The following RBFOX1 variants were observed in gnomAD, a reference collection of about 807,000 sequenced individuals.
RBFOX1 encodes RNA binding fox-1 homolog 1.
RBFOX1 carries 8 observed loss-of-function variants against 57.7 expected under a neutral mutation model. The ratio of observed to expected loss-of-function variants is 0.14; its 90% CI spans 0.08 to 0.25. The LOEUF is 0.25. Among genes scored for constraint, RBFOX1 ranks in the 10% least tolerant of loss-of-function variants. The pLI is 1.00. For missense variants in RBFOX1, 611 were observed against 548.5 expected, an observed-to-expected ratio of 1.11 and a Z score of -1.14; for synonymous variants, 326 against 222.4, an observed-to-expected ratio of 1.47 and a Z score of -4.15.
intron 3 of RBFOX1, among the ~76,000 whole-genome samples, chr16:6,900,653 G>A (rs2068241176): frequency 6.6e-6 from 1 of 152,128 alleles, no homozygotes; most frequent in Admixed American, 6.5e-5. Flanking sequence ...TACCCTTCTT[G>A]ACCTCGTCCC....
chr16:6,932,886 A>ACC (rs1490395285), intron 3 of RBFOX1, among the ~76,000 whole-genome samples: 8 of 152,210 alleles, frequency 5.3e-5, no homozygotes, highest in African/African-American at 1.9e-4. Flanking sequence ...TATCCATTAA[A>ACC]CATTAACTCC....
At chr16:7,359,591 T>G (rs1473765836) in intron 4 of RBFOX1, among the ~76,000 whole-genome samples, 1 of 152,210 alleles carries the variant, frequency 6.6e-6, no homozygotes, top group African/African-American at 2.4e-5. Flanking sequence ...TTGGGGCTCT[T>G]GAGTTAAACC....
At chr16:6,647,304 C>G (rs147143105) in intron 2 of RBFOX1, among the ~76,000 whole-genome samples, 1 of 152,094 alleles carries the variant, frequency 6.6e-6, no homozygotes, top group Non-Finnish European at 1.5e-5. Flanking sequence ...AGTGCAGTGA[C>G]GTGATCTCAG....
At chr16:7,539,075 G>T (rs936425416) in intron 5 of RBFOX1, among the ~76,000 whole-genome samples, 2 of 152,142 alleles carry the variant, frequency 1.3e-5, no homozygotes, top group Non-Finnish European at 2.9e-5. Flanking sequence ...GTCTGCCTCA[G>T]TCTGTTGATT....
intron 4 of RBFOX1, among the ~76,000 whole-genome samples, chr16:7,155,169 C>T (rs1317508939): frequency 6.6e-6 from 1 of 152,040 alleles, no homozygotes; most frequent in Non-Finnish European, 1.5e-5. Flanking sequence ...TGAGTACTAC[C>T]ACAAGATTTA....
In RBFOX1 at chr16:7,304,566, G is replaced by T. The variant is rs571323856; in HGVS notation, c.28-213581G>T. 2.5e-4 allele frequency: 244 copies of T among 985,308 alleles called. 1 individual carries two copies. In the South Asian group the frequency reaches 8.6e-3, roughly 35 times the overall value. 61.0% of individuals were successfully genotyped at this position (985,308 alleles called of 1,614,324 possible). On this transcript the variant is annotated intron_variant, in intron 4 of 15. Coordinates refer to ENST00000550418, the MANE Select transcript of RBFOX1 (RefSeq NM_018723.4). Reference sequence around the variant, plus strand: ...CCCCGCGCGTACTGGGCTGCGCTTCGGTGCCTTATGTAGGTTCTGAGGAGG... The same window carrying T: ...CCCCGCGCGTACTGGGCTGCGCTTCTGTGCCTTATGTAGGTTCTGAGGAGG...
intron 4 of RBFOX1, among the ~76,000 whole-genome samples, chr16:7,270,136 G>A (rs182559810): frequency 2.6e-4 from 40 of 152,340 alleles, no homozygotes; most frequent in African/African-American, 9.6e-4. Context: ...GAGCTAAGAT[G>A]GGAACCCAGT....
chr16:6,256,259 GTATATATATA>G (rs1247409611), intron 1 of RBFOX1, among the ~76,000 whole-genome samples: 3 of 96,226 alleles, frequency 3.1e-5, no homozygotes, highest in African/African-American at 1.5e-4. Context: ...ATATATATGT[GTATATATATA>G]TGTATATATA....
chr16:7,048,517 C>T (rs1247810392), intron 3 of RBFOX1, among the ~76,000 whole-genome samples: 6 of 152,204 alleles, frequency 3.9e-5, no homozygotes, highest in African/African-American at 7.2e-5. Context: ...CCTCAGCCTT[C>T]CAAAGTGCTG....
chr16:5,640,023 G>A (rs2048808555), intron 3 of RBFOX1, among the ~76,000 whole-genome samples: 1 of 152,184 alleles, frequency 6.6e-6, no homozygotes, highest in Non-Finnish European at 1.5e-5. Flanking sequence ...GTGGTGCTGG[G>A]TGCTGCATGT....
chr16:7,492,218 G>A (rs763482550), intron 4 of RBFOX1, among the ~76,000 whole-genome samples: 1 of 152,094 alleles, frequency 6.6e-6, no homozygotes, highest in Admixed American at 6.6e-5. Context: ...TTTAAGATTC[G>A]TTTACCAATA....
chr16:7,117,356 A>C (rs765452367), intron 4 of RBFOX1, among the ~76,000 whole-genome samples: 12 of 152,176 alleles, frequency 7.9e-5, no homozygotes, highest in Non-Finnish European at 1.8e-4. Context: ...CTAAAATGTT[A>C]TGTGTTTTTC....
rs142631618 is a variant in RBFOX1 at position 7,248,401 on chromosome 16, G to A, written c.27+196303G>A. 6.6e-5 allele frequency among the ~76,000 whole-genome samples: 10 copies of A among 152,294 alleles called. No homozygotes were observed. The East Asian group carries it at 1.9e-3, about 29-fold the overall frequency. On this transcript the variant is annotated intron_variant, in intron 4 of 15. Transcript: ENST00000550418. ...GTGGGTATCAGAATACATTTGTGCA[G>A]AATCTTCTAGCTGAGTCCCTTCATA...
At chr16:7,218,488 G>C (rs2092433682) in intron 4 of RBFOX1, among the ~76,000 whole-genome samples, 1 of 152,170 alleles carries the variant, frequency 6.6e-6, no homozygotes, top group African/African-American at 2.4e-5. Context: ...ATAGTTGAGA[G>C]AGAAAATAGC....
intron 1 of RBFOX1, among the ~76,000 whole-genome samples, chr16:6,274,097 G>T (rs1351412646): frequency 6.6e-6 from 1 of 152,196 alleles, no homozygotes; most frequent in Non-Finnish European, 1.5e-5. Context: ...CGCTGGAGAG[G>T]ATGTCAAATG....
chr16:6,935,800 G>A (rs1330011101), intron 3 of RBFOX1, among the ~76,000 whole-genome samples: 1 of 152,160 alleles, frequency 6.6e-6, no homozygotes, highest in Non-Finnish European at 1.5e-5. Context: ...CACAGAGCAT[G>A]CATGTCTCTA....
intron 1 of RBFOX1, among the ~76,000 whole-genome samples, chr16:6,099,454 A>G (rs955911604): frequency 6.6e-6 from 1 of 152,184 alleles, no homozygotes; most frequent in African/African-American, 2.4e-5. Flanking sequence ...ATGTGATTCT[A>G]TTTTTATAAA....
intron 11 of RBFOX1, among the ~76,000 whole-genome samples, 172 bp from the exon 12 acceptor site, chr16:7,653,643 C>T (rs1454599345): frequency 1.3e-5 from 2 of 152,330 alleles, no homozygotes; most frequent in Admixed American, 6.5e-5. Context: ...TCTGGAGTCC[C>T]ACCCTGGCCA....
chr16:5,957,371 T>A (rs1356584419), intron 4 of RBFOX1, among the ~76,000 whole-genome samples: 5 of 152,124 alleles, frequency 3.3e-5, no homozygotes, highest in Admixed American at 3.3e-4. Context: ...TGTGCCACCA[T>A]GCCCAGCTAA....
Sources: gnomAD v4.1 joint callset for allele counts (sites outside exome capture counted in the v4.1 genomes callset) on GRCh38, gnomAD v4.1.1 for gene constraint, MANE v1.5 for transcripts, NCBI Gene and HGNC (gene_info 2026-07-23, HGNC 2026-07-21) for gene names.